The following MARF1 variants were observed in gnomAD, a reference collection of about 807,000 sequenced individuals.
MARF1 encodes meiosis regulator and mRNA stability factor 1.
A neutral mutation model predicts 168.2 loss-of-function variants in MARF1; 24 were observed. That is an observed-to-expected ratio of 0.14 (90% confidence interval 0.10 to 0.20). The LOEUF is 0.20. MARF1 is among the 10% of genes least tolerant of loss of function. The pLI, the probability that MARF1 is intolerant of heterozygous loss-of-function variation, is 1.00. For synonymous variants in MARF1, 868 were observed against 822.4 expected (o/e 1.06, Z -0.95); for missense variants, 1,744 against 2,143.6 (o/e 0.81, Z 3.68).
chr16:15,636,725 A>G (rs1037007639), intron 2 of MARF1, among the ~76,000 whole-genome samples: 8 of 152,218 alleles, frequency 5.3e-5, no homozygotes, highest in Non-Finnish European at 7.3e-5. Context: ...ACAGCATTCA[A>G]TAAAGATGGC....
chr16:15,622,790 C>G (rs977258890), intron 11 of MARF1, 144 bp downstream of exon 11: 1 of 566,570 alleles, frequency 1.8e-6, no homozygotes, highest in Non-Finnish European at 2.9e-6. Context: ...CCACCCTGAG[C>G]AGACCAAAGG....
intron 5 of MARF1, among the ~76,000 whole-genome samples, chr16:15,633,364 T>C (rs571383251): frequency 3.9e-5 from 6 of 152,016 alleles, no homozygotes; most frequent in South Asian, 2.1e-4. Context: ...GGTTGGAACA[T>C]AGGGAGACCT....
At chr16:15,634,717 C>T (rs926164820) in intron 4 of MARF1, 40 bp downstream of exon 4, 1 of 1,570,464 alleles carries the variant, frequency 6.4e-7, no homozygotes, top group Non-Finnish European at 8.7e-7. Flanking sequence ...ATATTGAAAG[C>T]TATTTAAATA....
At chr16:15,621,946 C>T (rs1331672572) in intron 11 of MARF1, 35 bp from the exon 12 acceptor site, 2 of 1,593,660 alleles carry the variant, frequency 1.3e-6, no homozygotes, top group African/African-American at 1.4e-5. Flanking sequence ...AACGCTATGT[C>T]CGCCCAGAAC....
At chr16:15,609,153 C>A (rs150398063) in intron 20 of MARF1, among the ~76,000 whole-genome samples, 1,788 of 152,290 alleles carry the variant, frequency 0.012, 41 homozygotes, top group African/African-American at 0.041. Flanking sequence ...GGCAAGTGAA[C>A]TGCTTGAACC....
intron 16 of MARF1, among the ~76,000 whole-genome samples, chr16:15,614,248 T>C (rs9652607): frequency 0.17 from 26,449 of 151,344 alleles, 3,689 homozygotes; most frequent in African/African-American, 0.4. Flanking sequence ...TTTGGGAGGC[T>C]GAGGCGGGCG....
chr16:15,611,738 C>A lies in MARF1; in HGVS notation c.3475-4G>T. On this transcript the variant is annotated splice_polypyrimidine_tract_variant and splice_region_variant and intron_variant, in intron 17 of 26. Transcript: ENST00000396368. ...GTTTGGAGCCCATTCCAAGAATCTG[C>A]AAAGCAAATAGTTTATTTATACACA... The A allele has an allele frequency of 6.2e-7, 1 of 1,613,638 alleles. No individual in the cohort carries two copies. Among genetic ancestry groups the A allele is most frequent in the South Asian group, 1.1e-5 (1 of 90,988 alleles).
intron 10 of MARF1, among the ~76,000 whole-genome samples, chr16:15,624,344 T>G (rs1324361894): frequency 6.6e-6 from 1 of 152,230 alleles, no homozygotes; most frequent in East Asian, 1.9e-4. Context: ...CAAGAATTCC[T>G]TGGTGTGAGA....
chr16:15,639,433 C>T, intron 1 of MARF1, 142 bp from the exon 2 acceptor site: 3 of 620,290 alleles, frequency 4.8e-6, no homozygotes, highest in Non-Finnish European at 8.1e-6. Context: ...GGAAGTCTCG[C>T]TCTGTCGCCC....
chr16:15,594,839 A>T lies in MARF1; in HGVS notation c.*1854T>A, dbSNP rs138418792. The T allele has an allele frequency of 6.5e-6, 1 of 152,702 alleles. No homozygotes were observed. The highest frequency in any genetic ancestry group is 1.9e-4 in the East Asian group (1 of 5,186). The allele number at this position is 152,702 out of a possible 1,614,324, so 9.5% of individuals were successfully genotyped here. A position where few individuals can be genotyped will look rare whatever the true frequency, so the allele number is the denominator to read the frequency against. ...ACTCCAGTGAATGGTACTCAGACAC[A>T]CTCACGGGACAGCACAGAACTTGAT... On this transcript the variant is annotated 3_prime_UTR_variant, in exon 27 of 27. Coordinates refer to ENST00000396368, the MANE Select transcript of MARF1 (RefSeq NM_014647.4).
chr16:15,624,685 C>G (rs903819611), intron 10 of MARF1, 84 bp downstream of exon 10: 20 of 1,326,906 alleles, frequency 1.5e-5, no homozygotes, highest in Non-Finnish European at 3.2e-6. Flanking sequence ...TCAGTACTAT[C>G]TGAATTCTTT....
At chr16:15,613,648 C>T (rs990326173) in intron 16 of MARF1, among the ~76,000 whole-genome samples, 1 of 64,448 alleles carries the variant, frequency 1.6e-5, no homozygotes. Flanking sequence ...GGACACAGAG[C>T]GAGATTCCGT....
chr16:15,617,200 T>C (rs755331409), intron 14 of MARF1, 29 bp from the exon 15 acceptor site: 8 of 1,612,934 alleles, frequency 5.0e-6, no homozygotes. Context: ...AATTGGAAGC[T>C]GACATTCCGC....
At position 15,602,548 on chromosome 16, in the gene MARF1, G is replaced by A. The variant is rs115305747; in HGVS notation, c.4414-345C>T. On this transcript the variant is annotated intron_variant, in intron 22 of 26. Coordinates refer to ENST00000396368, the MANE Select transcript of MARF1 (RefSeq NM_014647.4). ...AGACGACGATAAAGAAGACGAAGAC[G>A]ACGAATTGGACAAAGACAAAGATGA... is the stretch of plus-strand genomic sequence containing the variant. 6.1e-3 allele frequency: 2,911 copies of A among 477,752 alleles called. 74 individuals carry two copies. The highest frequency in any genetic ancestry group is 0.054 in the African/African-American group (2,639 of 48,590). The allele number at this position is 477,752 out of a possible 1,614,324, so 29.6% of individuals were successfully genotyped here.
rs528484479 is a variant in MARF1, at chr16:15,609,220, CAAGA to C, written c.3954+299_3954+302del. ...CGCCATTGCACTCCAGCCTGGGCGA[CAAGA>C]AAGAAACTCCGTCTCAAAAAACAAA... On this transcript the variant is annotated intron_variant, in intron 20 of 26. Coordinates refer to ENST00000396368, the MANE Select transcript of MARF1 (RefSeq NM_014647.4). 5.3e-3 allele frequency among the ~76,000 whole-genome samples: 812 copies of C among 152,132 alleles called. 3 individuals carry two copies. Among genetic ancestry groups the C allele is most frequent in the Middle Eastern group, 0.01 (3 of 294 alleles).
chr16:15,596,794 G>A lies in MARF1; in HGVS notation c.5128C>T (p.Leu1710=). ...PCPSSETSES[L]LSKDPVESPA... ...CTTTCCACGGGGTCCTTGCTGAGCA[G>A]TGACTCGGAGGTTTCCGAGGAGGGG... is the stretch of plus-strand genomic sequence containing the variant. Residue 1710 remains leucine (L), a synonymous_variant, in exon 27 of 27, where the codon CTG becomes TTG. Transcript: ENST00000396368. The A allele has an allele frequency of 6.2e-7, 1 of 1,614,116 alleles. No homozygotes were observed. Among genetic ancestry groups the A allele is most frequent in the Non-Finnish European group, 8.5e-7 (1 of 1,179,960 alleles).
intron 5 of MARF1, among the ~76,000 whole-genome samples, chr16:15,631,718 T>C (rs2035269128): frequency 6.6e-6 from 1 of 152,090 alleles, no homozygotes; most frequent in Non-Finnish European, 1.5e-5. Context: ...ATGTATTAGG[T>C]ATTTGTTCTA....
intron 22 of MARF1, among the ~76,000 whole-genome samples, chr16:15,603,401 T>C (rs965456079): frequency 1.7e-4 from 26 of 152,166 alleles, no homozygotes; most frequent in African/African-American, 6.3e-4. Context: ...CTCAAACTCC[T>C]GGGCTCAAGT....
In MARF1 at chr16:15,602,000, T is replaced by A; in HGVS notation, c.4617A>T (p.Ala1539=). ...GHSSVEELLG[A]IPQVVWIKGH... Reference sequence around the variant, plus strand: ...TGAGAAAAATGCCCACCTGTGGAATTGCTCCCAAGAGCTCCTCCACGCTGC... The same window carrying A: ...TGAGAAAAATGCCCACCTGTGGAATAGCTCCCAAGAGCTCCTCCACGCTGC... Residue 1539 remains alanine (A), a synonymous_variant, in exon 23 of 27, where the codon GCA becomes GCT. Coordinates refer to ENST00000396368, the MANE Select transcript of MARF1 (RefSeq NM_014647.4). The A allele has an allele frequency of 1.2e-6, 2 of 1,613,950 alleles. No homozygotes were observed. The highest frequency in any genetic ancestry group is 1.7e-6 in the Non-Finnish European group (2 of 1,179,816).
Sources: gnomAD v4.1 joint callset for allele counts (sites outside exome capture counted in the v4.1 genomes callset) on GRCh38, gnomAD v4.1.1 for gene constraint, MANE v1.5 for transcripts, NCBI Gene and HGNC (gene_info 2026-07-23, HGNC 2026-07-21) for gene names.